The following PROM1 variants were observed in gnomAD, a reference collection of about 807,000 sequenced individuals.
PROM1 encodes prominin 1.
In PROM1, 105 loss-of-function variants were observed where a neutral mutation model predicts 116.9. The ratio of observed to expected loss-of-function variants is 0.90; its 90% CI spans 0.77 to 1.06. The LOEUF (loss-of-function observed/expected upper bound fraction) is 1.06, where lower values mean the gene tolerates loss of function less well. Among genes scored for constraint, PROM1 ranks in the 50% least tolerant of loss-of-function variants. The pLI is 0.00. For synonymous variants in PROM1, 393 were observed against 387.0 expected (o/e 1.02, Z -0.18); for missense variants, 1,122 against 1,045.2 (o/e 1.07, Z -1.01).
Position 15,982,931 on chromosome 4 carries a change from T to C in PROM1, c.2373+1332A>G, listed in dbSNP as rs1718342656. On this transcript the variant is annotated intron_variant, in intron 23 of 27. Transcript: ENST00000447510. ...CAGATGGACAAGTGAACGAGGGAGG[T>C]GGACAGACAGGGCAATAGGGATGAA... Among the ~76,000 whole-genome samples, 4 of 151,522 alleles carry C rather than the reference T, an allele frequency of 2.6e-5. No homozygotes were observed. The South Asian group carries it at 8.4e-4, about 32-fold the overall frequency.
intron 1 of PROM1, among the ~76,000 whole-genome samples, chr4:16,077,192 C>T (rs954041780): frequency 1.3e-5 from 2 of 152,138 alleles, no homozygotes; most frequent in Non-Finnish European, 2.9e-5. Context: ...TGGAATGTCT[C>T]GGTATAAAAC....
At chr4:16,055,091 AC>A (rs1738705462) in intron 2 of PROM1, 1 of 251,448 alleles carries the variant, frequency 4.0e-6, no homozygotes, top group South Asian at 5.0e-5. Context: ...GTAACTCCTA[AC>A]CCAGTGCTGT....
intron 2 of PROM1, among the ~76,000 whole-genome samples, chr4:16,069,685 T>C (rs3857153): frequency 1 from 152,328 of 152,338 alleles, 76,159 homozygotes; most frequent in Middle Eastern, 1. Flanking sequence ...ATATCACCAC[T>C]TACCACCATC....
chr4:16,066,504 G>A (rs1741567584), intron 2 of PROM1, among the ~76,000 whole-genome samples: 1 of 152,128 alleles, frequency 6.6e-6, no homozygotes, highest in African/African-American at 2.4e-5. Context: ...GTCAGAGTTG[G>A]GATTCAAATC....
intron 2 of PROM1, among the ~76,000 whole-genome samples, chr4:16,059,641 C>G (rs1035901672): frequency 4.6e-5 from 7 of 152,072 alleles, no homozygotes; most frequent in Non-Finnish European, 1.0e-4. Flanking sequence ...GAGGTGGAGG[C>G]TGCAGTGAGC....
chr4:16,055,850 G>A (rs903864878), intron 2 of PROM1, among the ~76,000 whole-genome samples: 8 of 151,590 alleles, frequency 5.3e-5, no homozygotes, highest in African/African-American at 1.7e-4. Flanking sequence ...GAAATTAATC[G>A]TATCTTTTGG....
Position 15,985,472 on chromosome 4 carries a change from G to A in PROM1, c.2280+288C>T, listed in dbSNP as rs568146397. Reference sequence around the variant, plus strand: ...TTAAAAAGTTCTCGTGCCCAGCATAGTGTTTTAGTTCAAATTTGTTACCTG... The same window carrying A: ...TTAAAAAGTTCTCGTGCCCAGCATAATGTTTTAGTTCAAATTTGTTACCTG... On this transcript the variant is annotated intron_variant, in intron 22 of 27. Transcript: ENST00000447510. 8 of 389,002 alleles carry A rather than the reference G, an allele frequency of 2.1e-5. 1 individual carries two copies. The Admixed American group carries it at 3.7e-4, about 18-fold the overall frequency. 24.1% of individuals were successfully genotyped at this position (389,002 alleles called of 1,614,324 possible).
chr4:15,988,297 A>G (rs1181322222), intron 19 of PROM1, among the ~76,000 whole-genome samples: 1 of 152,234 alleles, frequency 6.6e-6, no homozygotes, highest in Non-Finnish European at 1.5e-5. Flanking sequence ...CCTTTGAATT[A>G]GGTTTGATCA....
chr4:15,996,018 C>T (rs549987286), intron 15 of PROM1, among the ~76,000 whole-genome samples: 1 of 152,314 alleles, frequency 6.6e-6, no homozygotes, highest in South Asian at 2.1e-4. Flanking sequence ...GCTCGCTTTA[C>T]AACAGGTGCT....
At chr4:16,002,351 G>A (rs928196088) in intron 13 of PROM1, among the ~76,000 whole-genome samples, 3 of 152,164 alleles carry the variant, frequency 2.0e-5, no homozygotes, top group Non-Finnish European at 4.4e-5. Context: ...CTTTTCTCTA[G>A]CAGTGCTTAG....
At position 15,993,962 on chromosome 4, in the gene PROM1, C is replaced by G. The variant is rs749768785; in HGVS notation, c.1767+25G>C. On this transcript the variant is annotated intron_variant, in intron 16 of 27. Transcript: ENST00000447510. ...GATTTGGTGAAGGAATGTGTTATGTCGATTCCATGACGAGTTCTAATTACC... is the reference window on the plus strand; with the variant it reads ...GATTTGGTGAAGGAATGTGTTATGTGGATTCCATGACGAGTTCTAATTACC... The G allele has an allele frequency of 1.9e-6, 3 of 1,607,442 alleles. No homozygotes were observed. The Admixed American group carries it at 5.0e-5, about 27-fold the overall frequency.
intron 2 of PROM1, among the ~76,000 whole-genome samples, chr4:16,044,433 C>T (rs1041776721): frequency 3.9e-5 from 6 of 152,194 alleles, no homozygotes; most frequent in African/African-American, 1.4e-4. Context: ...CTTGTGTTTA[C>T]TTAGAAATGT....
chr4:16,047,223 G>T (rs1192400911), intron 2 of PROM1, among the ~76,000 whole-genome samples: 1 of 150,456 alleles, frequency 6.6e-6, no homozygotes, highest in Non-Finnish European at 1.5e-5. Context: ...CTTTTTTTTT[G>T]AGAGAGAGAG....
intron 2 of PROM1, among the ~76,000 whole-genome samples, chr4:16,046,693 A>G (rs191817557): frequency 6.6e-6 from 1 of 152,316 alleles, no homozygotes; most frequent in East Asian, 1.9e-4. Flanking sequence ...TTTGCCTCTC[A>G]TCTGGTGCAA....
At chr4:15,976,429 C>T (rs369169673) in intron 26 of PROM1, among the ~76,000 whole-genome samples, 3 of 152,180 alleles carry the variant, frequency 2.0e-5, no homozygotes, top group East Asian at 1.9e-4. Context: ...AAGTCTTTGA[C>T]GCTACACGCA....
intron 8 of PROM1, among the ~76,000 whole-genome samples, chr4:16,022,497 A>G (rs1730158893): frequency 6.6e-6 from 1 of 152,192 alleles, no homozygotes; most frequent in African/African-American, 2.4e-5. Flanking sequence ...GTTTCTGCAC[A>G]TTTGTCTCAG....
intron 12 of PROM1, among the ~76,000 whole-genome samples, chr4:16,008,730 G>A (rs368283596): frequency 6.6e-6 from 1 of 152,174 alleles, no homozygotes; most frequent in South Asian, 2.1e-4. Context: ...GGAGTCATGC[G>A]AACCTTCTAT....
At position 15,985,786 on chromosome 4, in the gene PROM1, G is replaced by C. The variant is rs780217062; in HGVS notation, c.2254C>G (p.His752Asp). 7.1e-7 allele frequency: 1 copy of C among 1,416,054 alleles called. No individual in the cohort carries two copies. Among genetic ancestry groups the C allele is most frequent in the East Asian group, 2.8e-5 (1 of 35,308 alleles). 87.7% of individuals were successfully genotyped at this position (1,416,054 alleles called of 1,614,324 possible). Residue 752 changes from histidine to aspartate, a missense_variant, in exon 22 of 28, where the codon CAT becomes GAT. By Grantham distance (81) the His-to-Asp change is moderately conservative. Coordinates refer to ENST00000447510, the MANE Select transcript of PROM1 (RefSeq NM_006017.3). ...YGRTIIGYFE[H>D]YLQWIEFSIS... Reference sequence around the variant, plus strand: ...GAGAACTCGATCCACTGCAGATAATGTTCAAAATATCCTATTATTGTTCTC... The same window carrying C: ...GAGAACTCGATCCACTGCAGATAATCTTCAAAATATCCTATTATTGTTCTC...
chr4:16,024,388 C>G, intron 6 of PROM1, 30 bp from the exon 7 acceptor site: 2 of 1,579,738 alleles, frequency 1.3e-6, no homozygotes, highest in African/African-American at 1.4e-5. Context: ...TGAAACCTCC[C>G]CTTCTAAGGT....
Sources: allele counts gnomAD v4.1 joint callset (sites outside exome capture counted in the v4.1 genomes callset), GRCh38; gene constraint gnomAD v4.1.1; transcripts MANE v1.5; gene names NCBI Gene and HGNC (gene_info 2026-07-23, HGNC 2026-07-21).